SYNE1: variants seen among roughly 807,000 people sequenced by gnomAD.
The protein encoded by SYNE1 is nesprin-1.
In SYNE1, 616 loss-of-function variants were observed where a neutral mutation model predicts 1,111.0. That is an observed-to-expected ratio of 0.55 (90% CI 0.52 to 0.59). The LOEUF is 0.59. SYNE1 is among the 20% of genes least tolerant of loss of function. The pLI, the probability that SYNE1 is intolerant of heterozygous loss-of-function variation, is 0.00. For missense variants in SYNE1, 10,006 were observed against 10,417.0 expected, an observed-to-expected ratio of 0.96 and a Z score of 1.72; for synonymous variants, 3,855 against 3,825.8, an observed-to-expected ratio of 1.01 and a Z score of -0.28.
Position 152,502,886 on chromosome 6 carries a change from G to A in SYNE1, c.779-144C>T, listed in dbSNP as rs146923452. 3.9e-3 allele frequency: 2,510 copies of A among 649,868 alleles called. 5 individuals carry two copies. The highest frequency in any genetic ancestry group is 4.7e-3 in the Non-Finnish European group (1,717 of 369,202). The allele number at this position is 649,868 out of a possible 1,614,324, so 40.3% of individuals were successfully genotyped here. A position where few individuals can be genotyped will look rare whatever the true frequency, so the allele number is the denominator to read the frequency against. On this transcript the variant is annotated intron_variant, in intron 9 of 145. Coordinates refer to ENST00000367255, the MANE Select transcript of SYNE1 (RefSeq NM_182961.4). ...ACTATTTAGAATTTTGGACGGGGAG[G>A]AGGGTAAACCAAATTTAGTCTGGAT...
In SYNE1 at chr6:152,381,011, C is replaced by T. The variant is rs866611974; in HGVS notation, c.9004G>A (p.Gly3002Arg). 2 of 1,613,982 alleles carry T rather than the reference C, an allele frequency of 1.2e-6. No homozygotes were observed. Among genetic ancestry groups the T allele is most frequent in the Non-Finnish European group, 8.5e-7 (1 of 1,179,924 alleles). The change falls in exon 56 of 146, where the codon GGA (glycine) becomes AGA (arginine). Residue 3002 changes from glycine (G) to arginine (R), a missense_variant. By Grantham distance (125) the Gly-to-Arg change is moderately radical. Coordinates refer to ENST00000367255, the MANE Select transcript of SYNE1 (RefSeq NM_182961.4). ...AAAACAGGAAGCCAACTTACTTGTC[C>T]TTTGTGCCAGCATTCCACTATCTCC... The part of the protein sequence containing the change: ...DEEIVECWHK[G>R]QEILDALQKA...
intron 14 of SYNE1, among the ~76,000 whole-genome samples, chr6:152,479,517 A>G (rs2098866870): frequency 6.6e-6 from 1 of 152,196 alleles, no homozygotes. Flanking sequence ...GCTGAAGACA[A>G]CCTGGCTCAT....
Position 152,352,087 on chromosome 6 carries a change from A to C in SYNE1, c.11520T>G (p.His3840Gln). ...QWIAEYQEIL[H>Q]VPEEPKMELY... ...ATTCCATTTTGGGTTCTTCAGGAAC[A>C]TGTAGAATTTCCTGGTATTCTGCTA... Residue 3840 changes from histidine (H) to glutamine (Q), a missense_variant, in exon 70 of 146, where the codon CAT becomes CAG. His to Gln is a conservative substitution (Grantham distance 24). Coordinates refer to ENST00000367255, the MANE Select transcript of SYNE1 (RefSeq NM_182961.4). The C allele has an allele frequency of 6.2e-7, 1 of 1,614,210 alleles. No homozygotes were observed. The highest frequency in any genetic ancestry group is 2.2e-5 in the East Asian group (1 of 44,882).
Position 152,323,692 on chromosome 6 carries a change from G to A in SYNE1, c.15703C>T (p.Pro5235Ser). 1 of 1,614,178 alleles carries A rather than the reference G, an allele frequency of 6.2e-7. No individual in the cohort carries two copies. Among genetic ancestry groups the A allele is most frequent in the Non-Finnish European group, 8.5e-7 (1 of 1,180,034 alleles). ...GATGCTTTCTCTGCTGAACTTCCAG[G>A]TAACTTATCTTGCAGCTGATCAATC... The part of the protein sequence containing the change: ...EMIDQLQDKL[P>S]GSSAEKASKA... Residue 5235 changes from proline (P) to serine (S), a missense_variant, in exon 82 of 146, where the codon CCT (proline) becomes TCT (serine). Physicochemically the swap from Pro to Ser is moderately conservative, Grantham distance 74. Around this residue, in one of 7 missense-constraint regions of SYNE1, gnomAD observed 4,955 missense variants for 5,017.2 expected, o/e 0.99. Coordinates refer to ENST00000367255, the MANE Select transcript of SYNE1 (RefSeq NM_182961.4).
intron 5 of SYNE1, among the ~76,000 whole-genome samples, chr6:152,523,746 TCTC>T (rs370273638): frequency 1.3e-3 from 191 of 152,248 alleles, no homozygotes; most frequent in African/African-American, 4.0e-3. Flanking sequence ...GTTTTGTAGT[TCTC>T]CTTGCGAGAT....
At chr6:152,149,966 A>C (rs2060129179) in intron 135 of SYNE1, among the ~76,000 whole-genome samples, 2 of 152,206 alleles carry the variant, frequency 1.3e-5, no homozygotes, top group Admixed American at 1.3e-4. Flanking sequence ...AAAATATTCA[A>C]ACCCACCGTA....
chr6:152,419,860 T>TTA, intron 39 of SYNE1, 138 bp from the exon 40 acceptor site: 1 of 858,732 alleles, frequency 1.2e-6, no homozygotes, highest in Non-Finnish European at 1.8e-6. Context: ...TTGATATTTT[T>TTA]TACTTCCCAA....
chr6:152,321,649 G>A, intron 83 of SYNE1, 72 bp downstream of exon 83: 2 of 1,568,556 alleles, frequency 1.3e-6, no homozygotes, highest in Non-Finnish European at 1.8e-6. Context: ...ATACAAACAA[G>A]TATGTTCAAC....
At chr6:152,226,673 T>C (rs1030806190) in intron 115 of SYNE1, among the ~76,000 whole-genome samples, 11 of 152,194 alleles carry the variant, frequency 7.2e-5, no homozygotes, top group Admixed American at 6.5e-5. Context: ...AGACTGAGAC[T>C]GCTATCAACA....
intron 100 of SYNE1, among the ~76,000 whole-genome samples, chr6:152,264,591 G>A (rs1186790656): frequency 1.3e-5 from 2 of 151,976 alleles, no homozygotes; most frequent in Non-Finnish European, 2.9e-5. Context: ...GAGCCCAGGA[G>A]TTTGAGCCCA....
chr6:152,458,184 T>C (rs2098708813), intron 22 of SYNE1, among the ~76,000 whole-genome samples: 1 of 152,146 alleles, frequency 6.6e-6, no homozygotes, highest in South Asian at 2.1e-4. Flanking sequence ...AGGCAGGAAC[T>C]CTAAGAAAAG....
intron 62 of SYNE1, 95 bp downstream of exon 62, chr6:152,367,123 G>A: frequency 6.9e-7 from 1 of 1,447,652 alleles, no homozygotes; most frequent in Non-Finnish European, 9.7e-7. Context: ...ATCATGGAGA[G>A]AATGTGACAT....
chr6:152,352,261 C>T lies in SYNE1; in HGVS notation c.11346G>A (p.Glu3782=). The T allele has an allele frequency of 6.2e-7, 1 of 1,614,160 alleles. No individual in the cohort carries two copies. Among genetic ancestry groups the T allele is most frequent in the Non-Finnish European group, 8.5e-7 (1 of 1,180,016 alleles). ...ERAVKYLEEG[E]AERLRKEIHD... ...GAATCTCCTTTCTTAACCTCTCTGCCTCGCCTTCCTCCAAGTATTTAACAG... is the reference window on the plus strand; with the variant it reads ...GAATCTCCTTTCTTAACCTCTCTGCTTCGCCTTCCTCCAAGTATTTAACAG... The change falls in exon 70 of 146, where the codon GAG becomes GAA. Residue 3782 remains glutamate (E), a synonymous_variant. Coordinates refer to ENST00000367255, the MANE Select transcript of SYNE1 (RefSeq NM_182961.4).
At position 152,140,082 on chromosome 6, in the gene SYNE1, C is replaced by T. The variant is rs759939544; in HGVS notation, c.25326G>A (p.Trp8442Ter). 2 of 1,614,202 alleles carry T rather than the reference C, an allele frequency of 1.2e-6. No individual in the cohort carries two copies. Among genetic ancestry groups the T allele is most frequent in the Non-Finnish European group, 1.7e-6 (2 of 1,180,044 alleles). Residue 8442 changes from tryptophan to a stop codon, truncating the protein, a stop_gained, in exon 140 of 146, where the codon TGG becomes TGA. Coordinates refer to ENST00000367255, the MANE Select transcript of SYNE1 (RefSeq NM_182961.4). LOFTEE classifies it high-confidence loss of function. The stretch of plus-strand genomic sequence containing the variant: ...TGTTCAAGTCTGAGTTAAACTGCTG[C>T]CACTTCTGGAGGTTCTGCTTCATCC... ...ELRMKQNLQK[W>*]QQFNSDLNSI...
chr6:152,181,020 G>T (rs1291314407), intron 128 of SYNE1, among the ~76,000 whole-genome samples: 1 of 149,482 alleles, frequency 6.7e-6, no homozygotes, highest in Admixed American at 6.7e-5. Context: ...CAGTGCTTTT[G>T]GGTATATTCA....
intron 3 of SYNE1, among the ~76,000 whole-genome samples, chr6:152,605,032 GA>G (rs1565142066): frequency 6.2e-4 from 38 of 61,560 alleles, no homozygotes; most frequent in Admixed American, 9.7e-4. Context: ...GAGAGAGAGA[GA>G]GAGGGAGGGA....
At chr6:152,163,501 GAAAAA>G (rs35413195) in intron 131 of SYNE1, among the ~76,000 whole-genome samples, 1 of 114,680 alleles carries the variant, frequency 8.7e-6, no homozygotes, top group Admixed American at 9.6e-5. Context: ...TCTGTCTCAG[GAAAAA>G]AAAAAAAAAA....
In SYNE1 at chr6:152,230,171, T is replaced by C. The variant is rs548363299; in HGVS notation, c.21195+376A>G. Among the ~76,000 whole-genome samples, 4 of 152,220 alleles carry C rather than the reference T, an allele frequency of 2.6e-5. No homozygotes were observed. In the East Asian group the frequency reaches 7.8e-4, roughly 30 times the overall value. ...CCTCAGCCTCCTGAGTAGCTGGGAC[T>C]ACAGGGACAAGCACCACCACGTCTG... is the stretch of plus-strand genomic sequence containing the variant. On this transcript the variant is annotated intron_variant, in intron 115 of 145. Transcript: ENST00000367255.
At position 152,409,618 on chromosome 6, in the gene SYNE1, C is replaced by A. The variant is rs771330769; in HGVS notation, c.6322G>T (p.Val2108Leu). ...VSKVLENASS[V>L]IVTRTTIKDQ... Reference sequence around the variant, plus strand: ...TTTATGGTAGTTCTGGTTACAATCACACTGCTGGCATTTTCTAAGACTTTA... The same window carrying A: ...TTTATGGTAGTTCTGGTTACAATCAAACTGCTGGCATTTTCTAAGACTTTA... The change falls in exon 43 of 146, where the codon GTG becomes TTG. Residue 2108 changes from valine (V) to leucine (L), a missense_variant. Val to Leu is a conservative substitution (Grantham distance 32). Around this residue, in one of 7 missense-constraint regions of SYNE1, gnomAD observed 4,955 missense variants for 5,017.2 expected, o/e 0.99. Transcript: ENST00000367255. 1.2e-6 allele frequency: 2 copies of A among 1,613,808 alleles called. No homozygotes were observed. The highest frequency in any genetic ancestry group is 1.3e-5 in the African/African-American group (1 of 74,918).
Sources: allele counts gnomAD v4.1 joint callset (sites outside exome capture counted in the v4.1 genomes callset), GRCh38; gene constraint gnomAD v4.1.1; regional missense constraint gnomAD v4.1.1; transcripts MANE v1.5; gene names NCBI Gene and HGNC (gene_info 2026-07-23, HGNC 2026-07-21).